CDH18: variants seen among roughly 807,000 people sequenced by gnomAD.
The protein encoded by CDH18 is cadherin-18.
Under a neutral mutation model 67.9 loss-of-function variants are expected in CDH18, and 31 were observed. The ratio of observed to expected loss-of-function variants is 0.46; its 90% confidence interval spans 0.34 to 0.62. The LOEUF (loss-of-function observed/expected upper bound fraction) is 0.62. CDH18 is among the 20% of genes least tolerant of loss of function. The pLI is 0.01. For synonymous variants in CDH18, 362 were observed against 347.2 expected, an observed-to-expected ratio of 1.04 and a Z score of -0.48; for missense variants, 890 against 975.5, an observed-to-expected ratio of 0.91 and a Z score of 1.17.
At chr5:19,996,766 G>C (rs931006398) in intron 2 of CDH18, among the ~76,000 whole-genome samples, 2 of 151,772 alleles carry the variant, frequency 1.3e-5, no homozygotes, top group East Asian at 1.9e-4. Flanking sequence ...AAATAAAATG[G>C]ATTTAAATTG....
At chr5:19,586,115 T>A (rs1186589360) in intron 7 of CDH18, among the ~76,000 whole-genome samples, 1 of 152,196 alleles carries the variant, frequency 6.6e-6, no homozygotes, top group Admixed American at 6.6e-5. Context: ...GCTTAAAATC[T>A]GTCTTGATAC....
In CDH18 at chr5:19,883,289, C is replaced by T. The variant is rs746671033; in HGVS notation, c.-256-44047G>A. ...AAATGATATAAACAGTTCTTTGAAA[C>T]GAAGATTGAGTTCAAATTGTGTTAC... is the stretch of plus-strand genomic sequence containing the variant. On this transcript the variant is annotated intron_variant, in intron 2 of 12. Coordinates refer to ENST00000382275, the MANE Select transcript of CDH18 (RefSeq NM_004934.5). Among the ~76,000 whole-genome samples the T allele has an allele frequency of 3.9e-5, 6 of 152,158 alleles. No homozygotes were observed. The South Asian group carries it at 6.2e-4, about 16-fold the overall frequency.
At chr5:19,920,365 C>T (rs1233127809) in intron 2 of CDH18, among the ~76,000 whole-genome samples, 1 of 152,066 alleles carries the variant, frequency 6.6e-6, no homozygotes, top group East Asian at 1.9e-4. Flanking sequence ...TGGATATGAA[C>T]AGACAACAGT....
intron 1 of CDH18, among the ~76,000 whole-genome samples, chr5:20,328,852 G>T (rs1439221113): frequency 1.3e-5 from 2 of 152,118 alleles, no homozygotes; most frequent in Non-Finnish European, 2.9e-5. Flanking sequence ...ATAGTGCCTT[G>T]TGCCTGTAAT....
chr5:19,496,811 CAAAAAA>C, intron 11 of CDH18, among the ~76,000 whole-genome samples: 1 of 75,214 alleles, frequency 1.3e-5, no homozygotes, highest in African/African-American at 5.1e-5. Flanking sequence ...GACTCCATCT[CAAAAAA>C]AAAAAAAAAA....
At chr5:19,755,201 C>CA (rs1277744908) in intron 3 of CDH18, among the ~76,000 whole-genome samples, 5 of 147,850 alleles carry the variant, frequency 3.4e-5, no homozygotes, top group African/African-American at 9.9e-5. Context: ...AAAAAAAATA[C>CA]AAAAAATAAA....
intron 1 of CDH18, chr5:20,304,366 C>G (rs2149974530): frequency 6.7e-7 from 1 of 1,486,696 alleles, no homozygotes; most frequent in East Asian, 2.3e-5. Flanking sequence ...ATAGTTTACA[C>G]TTTTTGGAGT....
chr5:19,677,896 C>G (rs1282754883), intron 5 of CDH18, among the ~76,000 whole-genome samples: 2 of 151,834 alleles, frequency 1.3e-5, no homozygotes, highest in Non-Finnish European at 2.9e-5. Flanking sequence ...GTAAAGGGTT[C>G]AATTTGACAA....
intron 1 of CDH18, among the ~76,000 whole-genome samples, chr5:20,256,959 A>ATCTATCTATCTATCTATCTATCTATCTG (rs369248095): frequency 0.012 from 1,535 of 125,308 alleles, 15 homozygotes; most frequent in African/African-American, 0.027. Context: ...CTATCTATCT[A>ATCTATCTATCTATCTATCTATCTATCTG]TCTAATCTAT....
intron 3 of CDH18, among the ~76,000 whole-genome samples, chr5:19,755,990 A>G (rs1182486221): frequency 6.6e-6 from 1 of 152,144 alleles, no homozygotes; most frequent in Non-Finnish European, 1.5e-5. Context: ...CTTCAATCCA[A>G]TCAAGTTGAC....
At chr5:19,510,642 A>G (rs545729755) in intron 10 of CDH18, among the ~76,000 whole-genome samples, 49 of 152,182 alleles carry the variant, frequency 3.2e-4, no homozygotes, top group African/African-American at 1.1e-3. Context: ...CCTTTTTGAT[A>G]TGGTTAGGTT....
intron 2 of CDH18, among the ~76,000 whole-genome samples, chr5:19,918,832 A>C (rs1211572402): frequency 6.6e-6 from 1 of 152,170 alleles, no homozygotes; most frequent in Non-Finnish European, 1.5e-5. Flanking sequence ...TCTGAATGAC[A>C]GAGGTGATAA....
intron 2 of CDH18, among the ~76,000 whole-genome samples, chr5:20,174,254 T>C (rs1737058824): frequency 6.6e-6 from 1 of 152,224 alleles, no homozygotes; most frequent in Non-Finnish European, 1.5e-5. Flanking sequence ...ACAATGCATT[T>C]GCTCATTTAA....
chr5:19,819,349 A>G (rs895797443), intron 3 of CDH18, among the ~76,000 whole-genome samples: 1 of 152,224 alleles, frequency 6.6e-6, no homozygotes, highest in Admixed American at 6.5e-5. Flanking sequence ...AACTAGACAC[A>G]GCCAGGAGAT....
rs1219264630 is a variant in CDH18, at chr5:19,591,104, T to A, written c.952A>T (p.Ile318Phe). The change falls in exon 7 of 13, where the codon ATC (isoleucine) becomes TTC (phenylalanine). Residue 318 changes from isoleucine to phenylalanine, a missense_variant. By Grantham distance (21) the Ile-to-Phe change is conservative. Transcript: ENST00000382275. ...INGDGMGIFS[I>F]STDKETREGI... ...TCTCTGGTCTCTTTGTCAGTGGAGA[T>A]TGAGAATATTCCCATGCCATCACCA... The A allele has an allele frequency of 6.2e-7, 1 of 1,610,402 alleles. No individual in the cohort carries two copies. The highest frequency in any genetic ancestry group is 8.5e-7 in the Non-Finnish European group (1 of 1,177,914).
chr5:19,999,438 A>G (rs955273067), intron 2 of CDH18, among the ~76,000 whole-genome samples: 1 of 152,128 alleles, frequency 6.6e-6, no homozygotes, highest in African/African-American at 2.4e-5. Flanking sequence ...TTCTGTTTCT[A>G]CTAAAAATAC....
At chr5:20,409,034 T>C (rs1746540113) in intron 1 of CDH18, among the ~76,000 whole-genome samples, 1 of 151,876 alleles carries the variant, frequency 6.6e-6, no homozygotes, top group African/African-American at 2.4e-5. Context: ...ATAACAATTA[T>C]AGATATGTAT....
chr5:19,737,408 C>T (rs79031979), intron 4 of CDH18, among the ~76,000 whole-genome samples: 4,275 of 152,272 alleles, frequency 0.028, 161 homozygotes, highest in African/African-American at 0.085. Flanking sequence ...GCCATTTTCA[C>T]TCTATGCCTG....
intron 2 of CDH18, among the ~76,000 whole-genome samples, chr5:20,071,026 A>G (rs1008665897): frequency 6.6e-6 from 1 of 152,138 alleles, no homozygotes; most frequent in Non-Finnish European, 1.5e-5. Flanking sequence ...TAGAAGATAA[A>G]TGTGTAATAA....
Sources: allele counts gnomAD v4.1 joint callset (sites outside exome capture counted in the v4.1 genomes callset), GRCh38; gene constraint gnomAD v4.1.1; transcripts MANE v1.5; gene names NCBI Gene and HGNC (gene_info 2026-07-23, HGNC 2026-07-21).